SNAP23: variants seen among roughly 807,000 people sequenced by gnomAD.
SNAP23 encodes synaptosomal-associated protein 23.
A neutral mutation model predicts 29.0 loss-of-function variants in SNAP23; 11 were observed. That is an observed-to-expected ratio of 0.38 (90% CI 0.24 to 0.63). The LOEUF is 0.63. SNAP23 is among the 20% of genes least tolerant of loss of function. SNAP23 has a pLI of 0.58. For synonymous variants in SNAP23, 60 were observed against 82.9 expected (o/e 0.72, Z 1.50); for missense variants, 220 against 253.9 (o/e 0.87, Z 0.91).
chr15:42,522,086 T>C (rs1016436801), intron 5 of SNAP23: 2 of 153,754 alleles, frequency 1.3e-5, no homozygotes, highest in African/African-American at 4.8e-5. Flanking sequence ...TTCCATTAAG[T>C]TTCCCTACTT....
At chr15:42,503,778 C>G (rs1394707986) in intron 1 of SNAP23, among the ~76,000 whole-genome samples, 1 of 151,966 alleles carries the variant, frequency 6.6e-6, no homozygotes, top group African/African-American at 2.4e-5. Context: ...GCTGGGATTA[C>G]AAATGTGAGC....
At chr15:42,523,216 C>A (rs1043533285) in intron 5 of SNAP23, among the ~76,000 whole-genome samples, 7 of 151,590 alleles carry the variant, frequency 4.6e-5, no homozygotes, top group African/African-American at 1.7e-4. Context: ...ACTATTAGAC[C>A]ACTCAGAACT....
At chr15:42,504,316 G>A (rs529529292) in intron 1 of SNAP23, among the ~76,000 whole-genome samples, 3 of 151,980 alleles carry the variant, frequency 2.0e-5, no homozygotes, top group Admixed American at 2.0e-4. Context: ...ACTCCAGCCT[G>A]GGCAACAGAG....
intron 5 of SNAP23, among the ~76,000 whole-genome samples, chr15:42,516,316 C>T (rs1366719023): frequency 6.6e-6 from 1 of 152,110 alleles, no homozygotes; most frequent in Non-Finnish European, 1.5e-5. Context: ...AGGCATGAGC[C>T]ACTGCACACA....
chr15:42,492,061 CT>C (rs2057171097), upstream of SNAP23, among the ~76,000 whole-genome samples: 1 of 151,958 alleles, frequency 6.6e-6, no homozygotes, highest in South Asian at 2.1e-4. Flanking sequence ...CAGACGTGCA[CT>C]ACCACGCCCA....
intron 5 of SNAP23, 34 bp downstream of exon 5, chr15:42,515,388 G>C: frequency 7.6e-7 from 1 of 1,313,818 alleles, no homozygotes; most frequent in Non-Finnish European, 1.1e-6. Flanking sequence ...TTCAAAATAA[G>C]TAATGAGAGT....
intron 5 of SNAP23, among the ~76,000 whole-genome samples, chr15:42,517,402 T>A (rs1003493613): frequency 4.6e-5 from 7 of 152,172 alleles, no homozygotes; most frequent in Admixed American, 4.6e-4. Flanking sequence ...AGGAAGTAGA[T>A]GAATTTTCTT....
At chr15:42,492,867 A>T (rs1203294605), upstream of SNAP23, 1 of 152,198 alleles carries the variant, frequency 6.6e-6, no homozygotes, top group South Asian at 2.1e-4. Flanking sequence ...AAAGGCATGC[A>T]ATGGAGGAAC....
chr15:42,517,259 G>A (rs1365633381), intron 5 of SNAP23, among the ~76,000 whole-genome samples: 1 of 152,190 alleles, frequency 6.6e-6, no homozygotes, highest in African/African-American at 2.4e-5. Flanking sequence ...GTCAATCAGA[G>A]TTTAGCAGAT....
intron 1 of SNAP23, among the ~76,000 whole-genome samples, chr15:42,508,218 G>A (rs1444681368): frequency 1.3e-5 from 2 of 148,606 alleles, no homozygotes; most frequent in Non-Finnish European, 3.0e-5. Flanking sequence ...GAACCTGATT[G>A]CACCACCGCT....
intron 1 of SNAP23, among the ~76,000 whole-genome samples, chr15:42,499,076 T>TC (rs1187337964): frequency 1.2e-4 from 19 of 152,008 alleles, no homozygotes; most frequent in African/African-American, 4.3e-4. Context: ...TCACATCTTT[T>TC]TTTTTTTTTT....
upstream of SNAP23, among the ~76,000 whole-genome samples, chr15:42,494,883 T>G (rs973367069): frequency 1.1e-4 from 16 of 152,302 alleles, no homozygotes; most frequent in Admixed American, 7.9e-4. Flanking sequence ...GAGGGGTTCC[T>G]GCAGCAAATA....
intron 1 of SNAP23, among the ~76,000 whole-genome samples, chr15:42,511,613 T>C (rs1379315073): frequency 6.6e-6 from 1 of 152,176 alleles, no homozygotes; most frequent in African/African-American, 2.4e-5. Context: ...AAAACCTGTA[T>C]TTTAGGTTCA....
At chr15:42,514,401 G>A (rs1406438813) in intron 4 of SNAP23, among the ~76,000 whole-genome samples, 4 of 152,022 alleles carry the variant, frequency 2.6e-5, no homozygotes, top group Non-Finnish European at 5.9e-5. Flanking sequence ...CGCCCACGTC[G>A]GCCTCCCGAA....
intron 1 of SNAP23, among the ~76,000 whole-genome samples, chr15:42,497,264 A>T (rs1439436771): frequency 1.2e-4 from 17 of 141,052 alleles, no homozygotes; most frequent in Admixed American, 9.2e-4. Flanking sequence ...GCTGGAGTGC[A>T]GTGGCGCGAT....
At chr15:42,529,565 A>G (rs2057541323) in intron 6 of SNAP23, 110 bp from the exon 7 acceptor site, 3 of 1,085,974 alleles carry the variant, frequency 2.8e-6, no homozygotes, top group African/African-American at 3.2e-5. Flanking sequence ...ATTCTTTTGG[A>G]TCTTATACTT....
intron 1 of SNAP23, among the ~76,000 whole-genome samples, chr15:42,511,271 TA>T (rs1321933268): frequency 6.6e-6 from 1 of 152,200 alleles, no homozygotes; most frequent in African/African-American, 2.4e-5. Flanking sequence ...TAATGCATAA[TA>T]AAAACCTTAG....
Position 42,507,859 on chromosome 15 carries a change from C to CT in SNAP23, c.-14-3972dup, listed in dbSNP as rs574001713. 1.6e-4 allele frequency among the ~76,000 whole-genome samples: 24 copies of CT among 152,040 alleles called. No individual in the cohort carries two copies. In the South Asian group the frequency reaches 5.0e-3, roughly 32 times the overall value. On this transcript the variant is annotated intron_variant, in intron 1 of 7. Transcript: ENST00000249647. Reference sequence around the variant, plus strand: ...ACAGTTGACCCTTGAACAACATGGGCTTGAACTGCGTGGGTCCACTTATAG... The same window carrying CT: ...ACAGTTGACCCTTGAACAACATGGGCTTTGAACTGCGTGGGTCCACTTATAG...
intron 1 of SNAP23, among the ~76,000 whole-genome samples, chr15:42,497,838 A>G (rs755804718): frequency 1.4e-4 from 21 of 152,236 alleles, no homozygotes; most frequent in Non-Finnish European, 2.1e-4. Flanking sequence ...TAAAGATGCT[A>G]TGGGGGAATA....
Sources: allele counts gnomAD v4.1 joint callset (sites outside exome capture counted in the v4.1 genomes callset), GRCh38; gene constraint gnomAD v4.1.1; transcripts MANE v1.5; gene names NCBI Gene and HGNC (gene_info 2026-07-23, HGNC 2026-07-21).